Variants in ABCA7 observed in about 807,000 individuals in gnomAD.
ABCA7 encodes ATP binding cassette subfamily A member 7.
Under a neutral mutation model 227.6 loss-of-function variants are expected in ABCA7, and 261 were observed. The observed-to-expected ratio is 1.15, with a 90% CI of 1.04 to 1.27. The LOEUF is 1.27. ABCA7 is among the 50% of genes most tolerant of loss of function. The pLI is 0.00. For synonymous variants in ABCA7, 1,488 were observed against 1,279.7 expected, an observed-to-expected ratio of 1.16 and a Z score of -3.47; for missense variants, 3,331 against 2,924.5, an observed-to-expected ratio of 1.14 and a Z score of -3.21.
intron 40 of ABCA7, 108 bp downstream of exon 40, chr19:1,059,193 A>T: frequency 1.8e-6 from 2 of 1,138,100 alleles, no homozygotes; most frequent in Non-Finnish European, 2.4e-6. Context: ...ACCACCTTTT[A>T]TTGGGCACCT....
Position 1,042,393 on chromosome 19 carries a change from G to A in ABCA7, c.494G>A (p.Arg165His), listed in dbSNP as rs759597670. 7.5e-6 allele frequency: 12 copies of A among 1,609,840 alleles called. No individual in the cohort carries two copies. Among genetic ancestry groups the A allele is most frequent in the Admixed American group, 1.7e-5 (1 of 59,902 alleles). ...DVAELLTSLL[R>H]TESLGLALGQ... The stretch of plus-strand genomic sequence containing the variant: ...GCGGAGCTGCTGACGTCACTGCTGC[G>A]CACGGTAGGGTGTCGGGGCGGGACC... The change falls in exon 6 of 47, where the codon CGC becomes CAC. Residue 165 changes from arginine to histidine, a missense_variant. Transcript: ENST00000263094.
rs776912022 is a variant in ABCA7 at position 1,051,983 on chromosome 19, G to C, written c.3004G>C (p.Glu1002Gln). The C allele has an allele frequency of 6.2e-7, 1 of 1,612,212 alleles. No individual in the cohort carries two copies. Among genetic ancestry groups the C allele is most frequent in the East Asian group, 2.2e-5 (1 of 44,866 alleles). ...CTCCACCCACCACCTGGATGAGGCA[G>C]AGCTGCTGGGAGACCGTGTGGCCGT... ...ILSTHHLDEA[E>Q]LLGDRVAVVA... The change falls in exon 22 of 47, where the codon GAG (glutamate) becomes CAG (glutamine). Residue 1002 changes from glutamate to glutamine, a missense_variant. Glu to Gln is a conservative substitution (Grantham distance 29). Coordinates refer to ENST00000263094, the MANE Select transcript of ABCA7 (RefSeq NM_019112.4).
chr19:1,045,216 A>G lies in ABCA7; in HGVS notation c.1430A>G (p.Asn477Ser), dbSNP rs199913679. The change falls in exon 12 of 47, where the codon AAT becomes AGT. Residue 477 changes from asparagine to serine, a missense_variant. By Grantham distance (46) the Asn-to-Ser change is conservative. Transcript: ENST00000263094. ...GACATTGACGTGGTCACGAGGACCAATAAGATCAGGGACAGGTCAGGCGAG... is the reference window on the plus strand; with the variant it reads ...GACATTGACGTGGTCACGAGGACCAGTAAGATCAGGGACAGGTCAGGCGAG... The part of the protein sequence containing the change: ...RMDIDVVTRT[N>S]KIRDRFWDPG... 9.5e-5 allele frequency: 153 copies of G among 1,605,542 alleles called. No homozygotes were observed. The highest frequency in any genetic ancestry group is 1.3e-4 in the Non-Finnish European group (149 of 1,174,946).
chr19:1,065,193 G>C lies in ABCA7; in HGVS notation c.6285+22G>C, dbSNP rs766910903. On this transcript the variant is annotated intron_variant, in intron 46 of 46. Coordinates refer to ENST00000263094, the MANE Select transcript of ABCA7 (RefSeq NM_019112.4). ...GGAGGTGATCACGGCGCCGGGGTCG[G>C]GCTGGGGGAGGCAGGCTGGGGGCCA... 21 of 1,595,868 alleles carry C rather than the reference G, an allele frequency of 1.3e-5. No individual in the cohort carries two copies. The East Asian group carries it at 4.7e-4, about 36-fold the overall frequency.
In ABCA7 at chr19:1,051,456, G is replaced by A; in HGVS notation, c.2832G>A (p.Met944Ile). 6.2e-7 allele frequency: 1 copy of A among 1,611,970 alleles called. No homozygotes were observed. The highest frequency in any genetic ancestry group is 8.5e-7 in the Non-Finnish European group (1 of 1,179,564). ...SVQTRHLSGG[M>I]QRKLSVAIAF... ...CTTCCCCATCTCTACCAGGTGGGATGCAACGGAAGCTGTCCGTGGCCATTG... is the reference window on the plus strand; with the variant it reads ...CTTCCCCATCTCTACCAGGTGGGATACAACGGAAGCTGTCCGTGGCCATTG... The change falls in exon 21 of 47, where the codon ATG (methionine) becomes ATA (isoleucine). Residue 944 changes from methionine (M) to isoleucine (I), a missense_variant. Coordinates refer to ENST00000263094, the MANE Select transcript of ABCA7 (RefSeq NM_019112.4).
In ABCA7 at chr19:1,058,818, A is replaced by C; in HGVS notation, c.5280-2A>C. 1 of 1,582,470 alleles carries C rather than the reference A, an allele frequency of 6.3e-7. No individual in the cohort carries two copies. Among genetic ancestry groups the C allele is most frequent in the Non-Finnish European group, 8.6e-7 (1 of 1,161,272 alleles). On this transcript the variant is annotated splice_acceptor_variant, in intron 38 of 46. Transcript: ENST00000263094. LOFTEE classifies it high-confidence loss of function. ...TTAAGCCCACAGATATTCTGTCCCC[A>C]GGCCCAGGGTGAGGTCTCTGCCACT...
Position 1,064,237 on chromosome 19 carries a change from C to T in ABCA7, c.6028C>T (p.Gln2010Ter), listed in dbSNP as rs1288839485. ...NGRFRCLGSP[Q>*]HLKGRFAAGH... ...GCGGTTCCGCTGCCTGGGCAGCCCG[C>T]AACATCTCAAGGGCAGGTGAGCCGG... is the stretch of plus-strand genomic sequence containing the variant. Residue 2010 changes from glutamine to a stop codon, truncating the protein, a stop_gained, in exon 45 of 47, where the codon CAA becomes TAA. Coordinates refer to ENST00000263094, the MANE Select transcript of ABCA7 (RefSeq NM_019112.4). LOFTEE classifies it high-confidence loss of function. 1.3e-6 allele frequency: 2 copies of T among 1,565,002 alleles called. No individual in the cohort carries two copies. Among genetic ancestry groups the T allele is most frequent in the East Asian group, 2.4e-5 (1 of 41,872 alleles).
At chr19:1,045,405 TG>T (rs2040524119) in intron 12 of ABCA7, 174 bp downstream of exon 12, 1 of 671,788 alleles carries the variant, frequency 1.5e-6, no homozygotes, top group Non-Finnish European at 2.5e-6. Context: ...GGGCCCGTGA[TG>T]GGCGGGGCCT....
intron 41 of ABCA7, 58 bp from the exon 42 acceptor site, chr19:1,062,114 C>T (rs986819802): frequency 6.3e-7 from 1 of 1,588,502 alleles, no homozygotes; most frequent in Admixed American, 1.7e-5. Context: ...CCTGTGTTAG[C>T]CACCAGTATG....
intron 17 of ABCA7, 70 bp from the exon 18 acceptor site, chr19:1,049,196 C>A: frequency 6.6e-7 from 1 of 1,512,010 alleles, no homozygotes; most frequent in Non-Finnish European, 8.9e-7. Context: ...TTCCACAGCC[C>A]AGCTCTGAGG....
rs542717523 is a variant in ABCA7, at chr19:1,056,562, G to A, written c.4586+63G>A. 9.4e-5 allele frequency: 144 copies of A among 1,525,158 alleles called. No homozygotes were observed. Among genetic ancestry groups the A allele is most frequent in the African/African-American group, 3.7e-4 (27 of 72,730 alleles). The allele number at this position is 1,525,158 out of a possible 1,614,324, so 94.5% of individuals were successfully genotyped here. The stretch of plus-strand genomic sequence containing the variant: ...CCTACCCTGCCTCCATTTCTCTGTC[G>A]TTTGGGGTGGTGGGAGCTGGATTTG... On this transcript the variant is annotated intron_variant, in intron 33 of 46. Coordinates refer to ENST00000263094, the MANE Select transcript of ABCA7 (RefSeq NM_019112.4). The surrounding 1 kb of genome is among the most constrained non-coding windows in gnomAD (Gnocchi z 4.3).
intron 1 of ABCA7, 133 bp from the exon 2 acceptor site, chr19:1,041,092 T>G: frequency 1.8e-6 from 1 of 570,754 alleles, no homozygotes; most frequent in Non-Finnish European, 3.1e-6. Context: ...CTGTCAGCCC[T>G]GCTCAGAGCG....
chr19:1,044,631 G>A lies in ABCA7; in HGVS notation c.1102G>A (p.Asp368Asn). 6.2e-7 allele frequency: 1 copy of A among 1,613,208 alleles called. No homozygotes were observed. The highest frequency in any genetic ancestry group is 8.5e-7 in the Non-Finnish European group (1 of 1,179,962). ...AAGGCAGCCCAGACCTGGAGGCCGG[G>A]ACCACATGGAGGCCCTGCGATCCTT... ...GRRQPRPGGR[D>N]HMEALRSFLD... The change falls in exon 11 of 47, where the codon GAC becomes AAC. Residue 368 changes from aspartate (D) to asparagine (N), a missense_variant. Coordinates refer to ENST00000263094, the MANE Select transcript of ABCA7 (RefSeq NM_019112.4).
In ABCA7 at chr19:1,053,954, T is replaced by C. The variant is rs1224518884; in HGVS notation, c.3473-52T>C. On this transcript the variant is annotated intron_variant, in intron 25 of 46. Transcript: ENST00000263094. ...CCTTTACCCTATACCTGATTCCTGA[T>C]CCCCCAATCCGTGACCCTCAACTTT... 2.5e-6 allele frequency: 4 copies of C among 1,607,926 alleles called. 1 individual carries two copies. In the African/African-American group the frequency reaches 4.0e-5, roughly 16 times the overall value.
In ABCA7 at chr19:1,042,740, C is replaced by T. The variant is rs1259278249; in HGVS notation, c.499-6C>T. 2.5e-6 allele frequency: 4 copies of T among 1,613,440 alleles called. No homozygotes were observed. In the South Asian group the frequency reaches 4.4e-5, roughly 18 times the overall value. Reference sequence around the variant, plus strand: ...TCATTGTCCCCCTTGTGGTCTTTCTCCCCAGGAATCCCTGGGGTTGGCACT... The same window carrying T: ...TCATTGTCCCCCTTGTGGTCTTTCTTCCCAGGAATCCCTGGGGTTGGCACT... On this transcript the variant is annotated splice_region_variant and splice_polypyrimidine_tract_variant and intron_variant, in intron 6 of 46. Transcript: ENST00000263094.
rs2144865132 is a variant in ABCA7, at chr19:1,053,845, A to G, written c.3472+9A>G. 1 of 1,609,346 alleles carries G rather than the reference A, an allele frequency of 6.2e-7. No individual in the cohort carries two copies. Among genetic ancestry groups the G allele is most frequent in the Non-Finnish European group, 8.5e-7 (1 of 1,176,846 alleles). On this transcript the variant is annotated intron_variant, in intron 25 of 46. Transcript: ENST00000263094. ...GGACACAGATATGGAGGGTGCGGCC[A>G]CAGCTCCCTGACCCCTGACCCCAGT...
rs750902335 is a variant in ABCA7, at chr19:1,056,024, C to A, written c.4239-42C>A. ...GCCCCCTGGGAGCTCTCCCGGCCCCCCCGGCCCTCAGCTCCCCTTCCCTGC... is the reference window on the plus strand; with the variant it reads ...GCCCCCTGGGAGCTCTCCCGGCCCCACCGGCCCTCAGCTCCCCTTCCCTGC... On this transcript the variant is annotated intron_variant, in intron 31 of 46. Transcript: ENST00000263094. This position sits in a 1 kb window ranked among gnomAD's most constrained non-coding sequence, Gnocchi z 4.3. 5.8e-6 allele frequency: 9 copies of A among 1,560,122 alleles called. No homozygotes were observed. Among genetic ancestry groups the A allele is most frequent in the Admixed American group, 1.8e-5 (1 of 54,098 alleles).
At chr19:1,052,942 G>A (rs575889768) in intron 23 of ABCA7, among the ~76,000 whole-genome samples, 6 of 152,218 alleles carry the variant, frequency 3.9e-5, no homozygotes, top group Non-Finnish European at 7.4e-5. Flanking sequence ...CGCCCAGGCT[G>A]TAGTGCAGTG....
chr19:1,060,063 G>A (rs1343162544), intron 40 of ABCA7, among the ~76,000 whole-genome samples: 1 of 152,040 alleles, frequency 6.6e-6, no homozygotes, highest in African/African-American at 2.4e-5. Flanking sequence ...CATTTATCAG[G>A]CACCTGCTTT....
Sources: allele counts gnomAD v4.1 joint callset (sites outside exome capture counted in the v4.1 genomes callset), GRCh38; gene constraint gnomAD v4.1.1; non-coding constraint Gnocchi (gnomAD v3.1); transcripts MANE v1.5; gene names NCBI Gene and HGNC (gene_info 2026-07-23, HGNC 2026-07-21).